TRIQK: variants seen among roughly 807,000 people sequenced by gnomAD.
The protein encoded by TRIQK is triple QxxK/R motif-containing protein.
In TRIQK, 10 loss-of-function variants were observed where a neutral mutation model predicts 10.8. The observed-to-expected ratio is 0.92, with a 90% CI of 0.57 to 1.57. The LOEUF (loss-of-function observed/expected upper bound fraction) is 1.57, where lower values mean the gene tolerates loss of function less well. TRIQK is among the 40% of genes most tolerant of loss of function. TRIQK has a pLI of 0.00. For missense variants in TRIQK, 107 were observed against 97.7 expected, an observed-to-expected ratio of 1.09 and a Z score of -0.40; for synonymous variants, 33 against 33.7, an observed-to-expected ratio of 0.98 and a Z score of 0.07.
At chr8:92,962,813 G>GT (rs1196708452) in intron 1 of TRIQK, among the ~76,000 whole-genome samples, 23 of 152,140 alleles carry the variant, frequency 1.5e-4, no homozygotes, top group Non-Finnish European at 8.8e-5. Flanking sequence ...AGCAGTAATT[G>GT]TAAGTAAGCG....
intron 2 of TRIQK, among the ~76,000 whole-genome samples, chr8:92,926,710 T>C (rs1362832810): frequency 6.6e-6 from 1 of 152,202 alleles, no homozygotes. Flanking sequence ...GGCAAAATTA[T>C]ACATAAGACT....
At chr8:92,933,612 C>T (rs1348955848) in intron 2 of TRIQK, among the ~76,000 whole-genome samples, 3 of 151,944 alleles carry the variant, frequency 2.0e-5, no homozygotes, top group African/African-American at 4.8e-5. Flanking sequence ...AAGAATAAAA[C>T]CAGTGTTCTT....
At chr8:92,894,873 T>C (rs1808510019) in intron 3 of TRIQK, among the ~76,000 whole-genome samples, 1 of 152,172 alleles carries the variant, frequency 6.6e-6, no homozygotes, top group South Asian at 2.1e-4. Flanking sequence ...GAACTAATTC[T>C]ATAGAGACTG....
intron 2 of TRIQK, chr8:92,953,331 A>T (rs564850737): frequency 6.6e-6 from 1 of 152,154 alleles, no homozygotes; most frequent in Non-Finnish European, 1.5e-5. Flanking sequence ...TACTAGAGAT[A>T]GAGTGAAAAC....
At chr8:92,955,414 C>T (rs976130043) in intron 1 of TRIQK, among the ~76,000 whole-genome samples, 5 of 151,694 alleles carry the variant, frequency 3.3e-5, no homozygotes, top group Admixed American at 6.6e-5. Flanking sequence ...ACACCAAACA[C>T]GAAATTTAAT....
At chr8:93,014,295 T>C (rs975023095) in intron 1 of TRIQK, among the ~76,000 whole-genome samples, 2 of 152,088 alleles carry the variant, frequency 1.3e-5, no homozygotes, top group African/African-American at 4.8e-5. Flanking sequence ...TTCCTTTCAA[T>C]AAATACTTTA....
chr8:92,982,920 G>T (rs1813000547), intron 1 of TRIQK, among the ~76,000 whole-genome samples: 1 of 151,898 alleles, frequency 6.6e-6, no homozygotes, highest in Non-Finnish European at 1.5e-5. Flanking sequence ...GAATTTGAAT[G>T]CTGGGTCTAT....
intron 2 of TRIQK, among the ~76,000 whole-genome samples, chr8:92,927,096 C>T (rs915734528): frequency 6.6e-6 from 1 of 151,916 alleles, no homozygotes; most frequent in African/African-American, 2.4e-5. Flanking sequence ...TTATGGGCAA[C>T]ACCAAGAGAC....
At chr8:92,896,979 G>C (rs1199945478) in intron 3 of TRIQK, among the ~76,000 whole-genome samples, 1 of 151,890 alleles carries the variant, frequency 6.6e-6, no homozygotes, top group East Asian at 1.9e-4. Context: ...ACCACGCCTG[G>C]CTAATTTTTG....
intron 1 of TRIQK, among the ~76,000 whole-genome samples, chr8:92,978,152 T>C (rs555665758): frequency 6.6e-6 from 1 of 152,230 alleles, no homozygotes; most frequent in South Asian, 2.1e-4. Context: ...TCTGACACCT[T>C]TCCCTGTGAA....
At chr8:92,991,538 C>T (rs7836946) in intron 1 of TRIQK, among the ~76,000 whole-genome samples, 15,610 of 152,146 alleles carry the variant, frequency 0.1, 1,903 homozygotes, top group African/African-American at 0.29. Flanking sequence ...GACAAACCCA[C>T]AGCCAATATC....
chr8:92,893,416 T>C lies in TRIQK; in HGVS notation c.62-1342A>G, dbSNP rs530210877. Among the ~76,000 whole-genome samples the C allele has an allele frequency of 1.8e-4, 28 of 152,134 alleles. No homozygotes were observed. In the South Asian group the frequency reaches 5.6e-3, roughly 30 times the overall value. ...TTAACTGCTATTGTATAGCAATAAC[T>C]CTGGATCAATGAGCATGCAGAAGCT... On this transcript the variant is annotated intron_variant, in intron 3 of 4. Coordinates refer to ENST00000521988, the MANE Select transcript of TRIQK (RefSeq NM_001171797.2).
At chr8:92,897,230 A>C (rs1808658090) in intron 3 of TRIQK, among the ~76,000 whole-genome samples, 1 of 152,164 alleles carries the variant, frequency 6.6e-6, no homozygotes, top group South Asian at 2.1e-4. Flanking sequence ...GTGATTTTAA[A>C]TGAGACTTTG....
At chr8:92,968,162 T>C (rs539472650), upstream of TRIQK, among the ~76,000 whole-genome samples, 3 of 152,356 alleles carry the variant, frequency 2.0e-5, no homozygotes, top group Admixed American at 6.5e-5. Context: ...TAGTATTCTA[T>C]GGTGTATATG....
intron 2 of TRIQK, among the ~76,000 whole-genome samples, chr8:92,951,027 T>C (rs1271149572): frequency 6.6e-6 from 1 of 152,088 alleles, no homozygotes; most frequent in Non-Finnish European, 1.5e-5. Context: ...CTTTAAATCA[T>C]CTTTAGATTA....
chr8:92,887,407 G>A (rs1264285722), intron 4 of TRIQK, among the ~76,000 whole-genome samples: 1 of 151,302 alleles, frequency 6.6e-6, no homozygotes, highest in African/African-American at 2.4e-5. Context: ...GTGATGTGAT[G>A]TGGATTAAAT....
chr8:92,972,394 C>T (rs1194522080), intron 1 of TRIQK, among the ~76,000 whole-genome samples: 3 of 151,886 alleles, frequency 2.0e-5, no homozygotes, highest in African/African-American at 4.8e-5. Context: ...CCAGTTTGTG[C>T]TTCTAATGGT....
intron 1 of TRIQK, among the ~76,000 whole-genome samples, chr8:93,011,660 TGAG>T (rs1283426343): frequency 6.6e-6 from 1 of 152,020 alleles, no homozygotes; most frequent in Non-Finnish European, 1.5e-5. Context: ...GGGAAAAAGA[TGAG>T]GAGAAGGAAG....
intron 2 of TRIQK, among the ~76,000 whole-genome samples, chr8:92,935,788 CAAG>C (rs1293587666): frequency 6.6e-6 from 1 of 151,166 alleles, no homozygotes; most frequent in East Asian, 1.9e-4. Flanking sequence ...CATTATATAA[CAAG>C]AAGATTCTAT....
Sources: allele counts gnomAD v4.1 joint callset (sites outside exome capture counted in the v4.1 genomes callset), GRCh38; gene constraint gnomAD v4.1.1; transcripts MANE v1.5; gene names NCBI Gene and HGNC (gene_info 2026-07-23, HGNC 2026-07-21).